TNRC6A: variants seen among roughly 807,000 people sequenced by gnomAD.
TNRC6A encodes the protein trinucleotide repeat containing adaptor 6A.
TNRC6A carries 44 observed loss-of-function variants against 221.2 expected under a neutral mutation model. The ratio of observed to expected loss-of-function variants is 0.20; its 90% CI spans 0.16 to 0.26. TNRC6A has a LOEUF of 0.26. TNRC6A is among the 10% of genes least tolerant of loss of function. The pLI is 1.00. For synonymous variants in TNRC6A, 847 were observed against 838.5 expected (o/e 1.01, Z -0.18); for missense variants, 2,199 against 2,404.4 (o/e 0.91, Z 1.79).
Position 24,789,928 on chromosome 16 carries a change from C to G in TNRC6A, c.1286C>G (p.Ser429Cys). The G allele has an allele frequency of 6.2e-7, 1 of 1,613,740 alleles. No homozygotes were observed. Among genetic ancestry groups the G allele is most frequent in the Non-Finnish European group, 8.5e-7 (1 of 1,179,894 alleles). The change falls in exon 6 of 25, where the codon TCT becomes TGT. Residue 429 changes from serine (S) to cysteine (C), a missense_variant. This residue lies in a region of TNRC6A where 1,405 missense variants were observed against 1,400.2 expected (regional missense o/e 1.00). Coordinates refer to ENST00000395799, the MANE Select transcript of TNRC6A (RefSeq NM_014494.4). ...GGAAGCCTTCAGGAAACTTGTGAAT[C>G]TGAAGTAAGTGGTACACAGAAGGTT... is the stretch of plus-strand genomic sequence containing the variant. ...TWGSLQETCESEVSGTQKVSF... is the reference protein window; with the variant it reads ...TWGSLQETCECEVSGTQKVSF...
intron 2 of TNRC6A, among the ~76,000 whole-genome samples, chr16:24,671,218 A>G (rs1346932185): frequency 6.6e-6 from 1 of 152,126 alleles, no homozygotes. Flanking sequence ...ATTCTAAAAA[A>G]AAGAGAGGTT....
At chr16:24,669,926 C>G (rs1324340198) in intron 2 of TNRC6A, among the ~76,000 whole-genome samples, 1 of 96,396 alleles carries the variant, frequency 1.0e-5, no homozygotes, top group Non-Finnish European at 2.5e-5. Flanking sequence ...TCGTTATGAC[C>G]CTATGAGGCA....
At position 24,790,252 on chromosome 16, in the gene TNRC6A, C is replaced by G; in HGVS notation, c.1610C>G (p.Pro537Arg). 1 of 1,614,206 alleles carries G rather than the reference C, an allele frequency of 6.2e-7. No individual in the cohort carries two copies. The highest frequency in any genetic ancestry group is 8.5e-7 in the Non-Finnish European group (1 of 1,180,042). The change falls in exon 6 of 25, where the codon CCT becomes CGT. Residue 537 changes from proline (P) to arginine (R), a missense_variant. This residue lies in a region of TNRC6A where 1,405 missense variants were observed against 1,400.2 expected (regional missense o/e 1.00). Coordinates refer to ENST00000395799, the MANE Select transcript of TNRC6A (RefSeq NM_014494.4). ...SNYSGDKCSG[P>R]NGQANGDTVN... is the part of the protein sequence containing the mutation. ...TACTCTGGAGACAAATGTTCAGGCC[C>G]TAATGGCCAAGCTAATGGTGACACT...
At chr16:24,803,486 T>C (rs1184612824) in intron 11 of TNRC6A, 1 of 151,868 alleles carries the variant, frequency 6.6e-6, no homozygotes, top group African/African-American at 2.4e-5. Flanking sequence ...TATTAAATGG[T>C]GGTTTATCAC....
intron 4 of TNRC6A, among the ~76,000 whole-genome samples, chr16:24,766,600 A>G (rs1430407766): frequency 6.6e-6 from 1 of 152,160 alleles, no homozygotes; most frequent in African/African-American, 2.4e-5. Context: ...TTGGCAGGCC[A>G]AAATTGGTCT....
In TNRC6A at chr16:24,823,060, G is replaced by GT; in HGVS notation, c.5513+48dup. On this transcript the variant is annotated intron_variant, in intron 24 of 24. Transcript: ENST00000395799. This position sits in a 1 kb window ranked among gnomAD's most constrained non-coding sequence, Gnocchi z 4.3. ...CAGTTGGAAGAGTCTAGGGGAAGGA[G>GT]TGTGAGAGCACAGCCTGACCCGGGG... 6.2e-7 allele frequency: 1 copy of GT among 1,613,152 alleles called. No individual in the cohort carries two copies. The highest frequency in any genetic ancestry group is 1.1e-5 in the South Asian group (1 of 90,894).
At chr16:24,650,096 T>C (rs1011175705) in intron 2 of TNRC6A, among the ~76,000 whole-genome samples, 1 of 151,564 alleles carries the variant, frequency 6.6e-6, no homozygotes, top group Admixed American at 6.6e-5. Flanking sequence ...AGTGCTGGGA[T>C]TACAGGTGTG....
chr16:24,803,995 C>G, intron 11 of TNRC6A, 182 bp from the exon 12 acceptor site: 2 of 565,170 alleles, frequency 3.5e-6, no homozygotes, highest in East Asian at 6.4e-5. Flanking sequence ...ACAGTATCTC[C>G]TAATTGCGAC....
intron 2 of TNRC6A, among the ~76,000 whole-genome samples, chr16:24,706,664 C>G (rs890151035): frequency 6.9e-6 from 1 of 145,952 alleles, no homozygotes; most frequent in Non-Finnish European, 1.5e-5. Context: ...TGCACTCCAG[C>G]CTGGGTGACA....
chr16:24,726,231 A>ATT (rs1363382930), upstream of TNRC6A, among the ~76,000 whole-genome samples: 1 of 152,164 alleles, frequency 6.6e-6, no homozygotes, highest in Non-Finnish European at 1.5e-5. Context: ...ATACAAGAGA[A>ATT]TAAATGAGAT....
intron 2 of TNRC6A, among the ~76,000 whole-genome samples, chr16:24,718,503 G>T (rs759358060): frequency 6.6e-6 from 1 of 152,130 alleles, no homozygotes; most frequent in African/African-American, 2.4e-5. Flanking sequence ...AGTCATAGAG[G>T]CTTTGAAAAA....
intron 2 of TNRC6A, among the ~76,000 whole-genome samples, chr16:24,715,053 T>G (rs1339990840): frequency 6.6e-6 from 1 of 151,792 alleles, no homozygotes; most frequent in Non-Finnish European, 1.5e-5. Context: ...AGTTTTTGTA[T>G]TTTTAGTAGA....
At chr16:24,799,948 G>A (rs1812421860) in intron 11 of TNRC6A, among the ~76,000 whole-genome samples, 2 of 152,140 alleles carry the variant, frequency 1.3e-5, no homozygotes, top group Admixed American at 1.3e-4. Flanking sequence ...CTGGGTTCCC[G>A]ACAGTCTTCA....
At chr16:24,728,103 A>C (rs1326304980), upstream of TNRC6A, among the ~76,000 whole-genome samples, 1 of 152,196 alleles carries the variant, frequency 6.6e-6, no homozygotes, top group Non-Finnish European at 1.5e-5. Context: ...GGAACCCAAC[A>C]TGTCTAGGGA....
rs78959114 is a variant in TNRC6A, at chr16:24,731,114, T to C, written c.53+814T>C. Among the ~76,000 whole-genome samples the C allele has an allele frequency of 6.6e-5, 10 of 152,318 alleles. No homozygotes were observed. The East Asian group carries it at 1.9e-3, about 29-fold the overall frequency. On this transcript the variant is annotated intron_variant, in intron 2 of 24. Transcript: ENST00000395799. ...CATTTTCTTTCCTACCGTCTTTTCCTTTCTTATTCCCCTTTTTCTTTTGCA... is the reference window on the plus strand; with the variant it reads ...CATTTTCTTTCCTACCGTCTTTTCCCTTCTTATTCCCCTTTTTCTTTTGCA...
chr16:24,767,010 A>G (rs1323746456), intron 4 of TNRC6A, among the ~76,000 whole-genome samples: 2 of 152,106 alleles, frequency 1.3e-5, no homozygotes, highest in Non-Finnish European at 2.9e-5. Context: ...TCCCATCCTT[A>G]CTATTTGCCC....
intron 2 of TNRC6A, among the ~76,000 whole-genome samples, chr16:24,680,422 T>TAA (rs113860323): frequency 4.8e-4 from 68 of 142,544 alleles, no homozygotes; most frequent in African/African-American, 9.5e-4. Flanking sequence ...CACTGTCTCT[T>TAA]AAAAAAAAAA....
chr16:24,716,159 C>A (rs1049019335), intron 2 of TNRC6A, among the ~76,000 whole-genome samples: 4 of 152,024 alleles, frequency 2.6e-5, no homozygotes, highest in African/African-American at 9.7e-5. Flanking sequence ...CCTGGAAACT[C>A]TCCTCAAGCA....
intron 2 of TNRC6A, among the ~76,000 whole-genome samples, chr16:24,719,728 C>T (rs1040332540): frequency 9.2e-5 from 14 of 151,690 alleles, no homozygotes; most frequent in Non-Finnish European, 1.6e-4. Context: ...GTAGTCCCAG[C>T]AACTCAGGAG....
Sources: gnomAD v4.1 joint callset for allele counts (sites outside exome capture counted in the v4.1 genomes callset) on GRCh38, gnomAD v4.1.1 for gene constraint, gnomAD v4.1.1 regional missense constraint, Gnocchi (gnomAD v3.1) non-coding constraint, MANE v1.5 for transcripts, NCBI Gene and HGNC (gene_info 2026-07-23, HGNC 2026-07-21) for gene names.